DHCR7: variants seen among roughly 807,000 people sequenced by gnomAD.
The protein encoded by DHCR7 is 7-dehydrocholesterol reductase.
DHCR7 carries 40 observed loss-of-function variants against 43.3 expected under a neutral mutation model. The ratio of observed to expected loss-of-function variants is 0.92; its 90% confidence interval spans 0.72 to 1.20. The LOEUF (loss-of-function observed/expected upper bound fraction) is 1.20, where lower values mean the gene tolerates loss of function less well. Among genes scored for constraint, DHCR7 ranks in the 50% most tolerant of loss-of-function variants. The pLI is 0.00. For synonymous variants in DHCR7, 298 were observed against 271.4 expected, an observed-to-expected ratio of 1.10 and a Z score of -0.96; for missense variants, 608 against 644.6, an observed-to-expected ratio of 0.94 and a Z score of 0.62.
At chr11:71,438,364 G>A (rs2852856) in intron 7 of DHCR7, among the ~76,000 whole-genome samples, 5 of 152,078 alleles carry the variant, frequency 3.3e-5, no homozygotes, top group African/African-American at 1.2e-4. Flanking sequence ...GCACCTGATC[G>A]CTGCCACCCT....
Position 71,442,348 on chromosome 11 carries a change from A to G in DHCR7, c.327T>C (p.Leu109=), listed in dbSNP as rs763112867. ...AGAAGTCAGGGAGAGACGTGTACAGAAGCACCTGAAACACACAAGCAGCCT... is the reference window on the plus strand; with the variant it reads ...AGAAGTCAGGGAGAGACGTGTACAGGAGCACCTGAAACACACAAGCAGCCT... ...LYTLWVTFQV[L]LYTSLPDFCH... The change falls in exon 5 of 9, where the codon CTT becomes CTC. Residue 109 remains leucine (L), a synonymous_variant. Transcript: ENST00000355527. 3.7e-6 allele frequency: 6 copies of G among 1,613,618 alleles called. No individual in the cohort carries two copies. The South Asian group carries it at 6.6e-5, about 18-fold the overall frequency.
At position 71,439,372 on chromosome 11, in the gene DHCR7, G is replaced by A. The variant is rs549475099; in HGVS notation, c.627-289C>T. On this transcript the variant is annotated intron_variant, in intron 6 of 8. Coordinates refer to ENST00000355527, the MANE Select transcript of DHCR7 (RefSeq NM_001360.3). ...CTGCACCCGGGAAGGGTGGGAGACC[G>A]GCCCTGGGCTGGTACCTGGGTTTCT... Among the ~76,000 whole-genome samples the A allele has an allele frequency of 8.0e-4, 122 of 152,318 alleles. 2 individuals carry two copies. In the South Asian group the frequency reaches 0.02, roughly 25 times the overall value.
chr11:71,438,345 C>T (rs867367874), intron 7 of DHCR7, among the ~76,000 whole-genome samples: 3 of 152,306 alleles, frequency 2.0e-5, no homozygotes, highest in Middle Eastern at 6.8e-3. Context: ...CTGGGTGACG[C>T]TTCCGAATGC....
rs1255951143 is a variant in DHCR7 at position 71,434,853 on chromosome 11, G to A, written c.*522C>T. 13 of 348,810 alleles carry A rather than the reference G, an allele frequency of 3.7e-5. No homozygotes were observed. Among genetic ancestry groups the A allele is most frequent in the Admixed American group, 7.8e-5 (2 of 25,786 alleles). 21.6% of individuals were successfully genotyped at this position (348,810 alleles called of 1,614,324 possible). A position where few individuals can be genotyped will look rare whatever the true frequency, so the allele number is the denominator to read the frequency against. On this transcript the variant is annotated 3_prime_UTR_variant, in exon 9 of 9. Coordinates refer to ENST00000355527, the MANE Select transcript of DHCR7 (RefSeq NM_001360.3). ...CTCCCCAGTGTCCCAGTTCAACACCGTGCACGCTACCAAGGAGAAACGGCG... is the reference window on the plus strand; with the variant it reads ...CTCCCCAGTGTCCCAGTTCAACACCATGCACGCTACCAAGGAGAAACGGCG...
chr11:71,444,797 T>C (rs1949388772), intron 3 of DHCR7, 58 bp downstream of exon 3: 3 of 1,500,586 alleles, frequency 2.0e-6, no homozygotes, highest in Admixed American at 1.7e-5. Context: ...TTCCAAAGGC[T>C]GGAAAGCTCT....
chr11:71,430,277 C>T (rs756062202), downstream of DHCR7, among the ~76,000 whole-genome samples: 12 of 152,194 alleles, frequency 7.9e-5, no homozygotes, highest in Non-Finnish European at 1.5e-4. Context: ...ACAGCAGGGG[C>T]GCCCCGTCTA....
Position 71,435,058 on chromosome 11 carries a change from G to A in DHCR7, c.*317C>T. On this transcript the variant is annotated 3_prime_UTR_variant, in exon 9 of 9. Transcript: ENST00000355527. ...GTGTGGGCAGAGTGTAGCGTGGCCTGGGCTCCTAATACAGGTAAATTGTCT... is the reference window on the plus strand; with the variant it reads ...GTGTGGGCAGAGTGTAGCGTGGCCTAGGCTCCTAATACAGGTAAATTGTCT... The A allele has an allele frequency of 1.8e-6, 1 of 564,992 alleles. No homozygotes were observed. Among genetic ancestry groups the A allele is most frequent in the Non-Finnish European group, 3.4e-6 (1 of 296,486 alleles). 35.0% of individuals were successfully genotyped at this position (564,992 alleles called of 1,614,324 possible).
chr11:71,446,089 A>T (rs1461318908), intron 2 of DHCR7, among the ~76,000 whole-genome samples: 1 of 152,176 alleles, frequency 6.6e-6, no homozygotes, highest in Non-Finnish European at 1.5e-5. Flanking sequence ...CAGCAGGACT[A>T]ACCAGAAACC....
At chr11:71,444,287 C>G in intron 3 of DHCR7, 72 bp from the exon 4 acceptor site, 1 of 1,296,242 alleles carries the variant, frequency 7.7e-7, no homozygotes, top group Non-Finnish European at 1.1e-6. Context: ...CTAAGAGGCT[C>G]TGTGTGGGAG....
intron 6 of DHCR7, 24 bp from the exon 7 acceptor site, chr11:71,439,107 C>T (rs778163632): frequency 1.9e-5 from 31 of 1,600,208 alleles, no homozygotes; most frequent in Non-Finnish European, 2.2e-5. Context: ...ATAAAAGATA[C>T]ATTTAGTGGA....
Position 71,444,113 on chromosome 11 carries a change from G to A in DHCR7, c.201C>T (p.Ala67=), listed in dbSNP as rs1949377886. 6.2e-7 allele frequency: 1 copy of A among 1,612,478 alleles called. No individual in the cohort carries two copies. The highest frequency in any genetic ancestry group is 2.2e-5 in the East Asian group (1 of 44,832). Residue 67 remains alanine (A), a synonymous_variant, in exon 4 of 9, where the codon GCC becomes GCT. Coordinates refer to ENST00000355527, the MANE Select transcript of DHCR7 (RefSeq NM_001360.3). Reference sequence around the variant, plus strand: ...CGATGTCCACCACAGGGCCAGTCAGGGCGCAGCTGTACTGGTCACAAGCCA... The same window carrying A: ...CGATGTCCACCACAGGGCCAGTCAGAGCGCAGCTGTACTGGTCACAAGCCA... ...FIMACDQYSC[A]LTGPVVDIVT...
rs1197115830 is a variant in DHCR7 at position 71,435,280 on chromosome 11, G to A, written c.*95C>T. 4.6e-6 allele frequency: 6 copies of A among 1,314,898 alleles called. No homozygotes were observed. The highest frequency in any genetic ancestry group is 6.5e-6 in the Non-Finnish European group (6 of 920,624). The allele number at this position is 1,314,898 out of a possible 1,614,324, so 81.5% of individuals were successfully genotyped here. A position where few individuals can be genotyped will look rare whatever the true frequency, so the allele number is the denominator to read the frequency against. ...TCTCCAGTTTACAGATGAGGAAACT[G>A]AGGCTCCTCGAGTTGGAGCTGGGAT... On this transcript the variant is annotated 3_prime_UTR_variant, in exon 9 of 9. Coordinates refer to ENST00000355527, the MANE Select transcript of DHCR7 (RefSeq NM_001360.3).
downstream of DHCR7, among the ~76,000 whole-genome samples, chr11:71,433,515 A>C (rs1027456875): frequency 2.0e-5 from 3 of 152,228 alleles, no homozygotes; most frequent in Non-Finnish European, 4.4e-5. Context: ...CTGAACCAAG[A>C]GCTCTCCCAG....
intron 8 of DHCR7, among the ~76,000 whole-genome samples, chr11:71,436,684 T>G (rs1172015086): frequency 6.6e-6 from 1 of 151,898 alleles, no homozygotes; most frequent in Non-Finnish European, 1.5e-5. Flanking sequence ...AAAAGTGACC[T>G]TCTATTTAAG....
chr11:71,431,974 C>T (rs143545632), downstream of DHCR7, among the ~76,000 whole-genome samples: 1,821 of 152,304 alleles, frequency 0.012, 37 homozygotes, highest in African/African-American at 0.042. Context: ...CAAGCATGTG[C>T]CACCATGCCC....
At chr11:71,439,673 C>T (rs75058745) in intron 6 of DHCR7, among the ~76,000 whole-genome samples, 1,880 of 152,298 alleles carry the variant, frequency 0.012, 41 homozygotes, top group African/African-American at 0.043. Flanking sequence ...CGAGATAACC[C>T]CTGTGGAGAC....
rs150603941 is a variant in DHCR7 at position 71,441,271 on chromosome 11, G to A, written c.582C>T (p.Phe194=). 8.1e-5 allele frequency: 131 copies of A among 1,614,226 alleles called. No homozygotes were observed. The African/African-American group carries it at 1.3e-3, about 16-fold the overall frequency. The change falls in exon 6 of 9, where the codon TTC becomes TTT. Residue 194 remains phenylalanine (F), a synonymous_variant. Transcript: ENST00000355527. Reference sequence around the variant, plus strand: ...GGAAGAAGTAGCCCTTGACCATGGCGAAGGTGGAGACGGCATAGCCAAGGA... The same window carrying A: ...GGAAGAAGTAGCCCTTGACCATGGCAAAGGTGGAGACGGCATAGCCAAGGA... ...ANILGYAVST[F]AMVKGYFFPT...
Position 71,435,601 on chromosome 11 carries a change from C to A in DHCR7, c.1202G>T (p.Gly401Val). 3 of 1,608,562 alleles carry A rather than the reference C, an allele frequency of 1.9e-6. No individual in the cohort carries two copies. The highest frequency in any genetic ancestry group is 2.5e-6 in the Non-Finnish European group (3 of 1,179,588). Residue 401 changes from glycine to valine, a missense_variant, in exon 9 of 9, where the codon GGC (glycine) becomes GTC (valine). By Grantham distance (109) the Gly-to-Val change is moderately radical (BLOSUM62 -3). Coordinates refer to ENST00000355527, the MANE Select transcript of DHCR7 (RefSeq NM_001360.3). ...GACGTAGTTGAAGTGGCGGGCCACG[C>A]CCCAGAAGCCCGACACCAGCAGCTT... ...HSKLLVSGFW[G>V]VARHFNYVGD...
chr11:71,428,157 T>C (rs1949209913), downstream of DHCR7: 1 of 152,170 alleles, frequency 6.6e-6, no homozygotes, highest in African/African-American at 2.4e-5. Flanking sequence ...CCAATCTATG[T>C]CTTTTCAAAT....
Sources: allele counts gnomAD v4.1 joint callset (sites outside exome capture counted in the v4.1 genomes callset), GRCh38; gene constraint gnomAD v4.1.1; transcripts MANE v1.5; gene names NCBI Gene and HGNC (gene_info 2026-07-23, HGNC 2026-07-21).